BCAR3: variants seen among roughly 807,000 people sequenced by gnomAD.
BCAR3 encodes the protein BCAR3 adaptor protein, NSP family member, also known as breast cancer anti-estrogen resistance protein 3.
Under a neutral mutation model 80.1 loss-of-function variants are expected in BCAR3, and 37 were observed. The observed-to-expected ratio is 0.46, with a 90% CI of 0.36 to 0.61. BCAR3 has a LOEUF of 0.61. BCAR3 is among the 20% of genes least tolerant of loss of function. The pLI, the probability that BCAR3 is intolerant of heterozygous loss-of-function variation, is 0.00. For synonymous variants in BCAR3, 389 were observed against 418.9 expected (o/e 0.93, Z 0.87); for missense variants, 978 against 1,068.2 (o/e 0.92, Z 1.18).
intron 11 of BCAR3, among the ~76,000 whole-genome samples, chr1:93,564,483 G>T (rs1324684430): frequency 2.0e-5 from 3 of 151,822 alleles, no homozygotes; most frequent in Non-Finnish European, 2.9e-5. Flanking sequence ...TCTCCACGTT[G>T]GTCAGGCTGG....
intron 3 of BCAR3, among the ~76,000 whole-genome samples, chr1:93,608,699 A>G (rs1674855489): frequency 6.6e-6 from 1 of 152,222 alleles, no homozygotes; most frequent in African/African-American, 2.4e-5. Context: ...CCTGGGACAC[A>G]GGCTCTGTCA....
intron 2 of BCAR3, among the ~76,000 whole-genome samples, chr1:93,798,085 T>C (rs1021123247): frequency 6.6e-6 from 1 of 152,212 alleles, no homozygotes; most frequent in African/African-American, 2.4e-5. Context: ...TTTCCAGTAA[T>C]AGTGTTTTCC....
intron 2 of BCAR3, among the ~76,000 whole-genome samples, chr1:93,764,982 C>A (rs10158125): frequency 6.6e-6 from 1 of 152,000 alleles, no homozygotes; most frequent in Non-Finnish European, 1.5e-5. Flanking sequence ...CTCGCTCTTA[C>A]GCCAGGCAGC....
chr1:93,726,013 G>A (rs1057030964), intron 2 of BCAR3, among the ~76,000 whole-genome samples: 2 of 151,918 alleles, frequency 1.3e-5, no homozygotes, highest in East Asian at 3.9e-4. Flanking sequence ...ATAATATCTG[G>A]TAGAGAAATT....
At chr1:93,629,598 T>C (rs1292690535) in intron 3 of BCAR3, among the ~76,000 whole-genome samples, 1 of 152,212 alleles carries the variant, frequency 6.6e-6, no homozygotes, top group African/African-American at 2.4e-5. Flanking sequence ...TAAAAGCTCT[T>C]AGAATATTTA....
In BCAR3 at chr1:93,582,371, C is replaced by T. The variant is rs143508660; in HGVS notation, c.1616G>A (p.Arg539His). ...GTTGTTGGTGAACAGTTCTTTTGCA[C>T]GTTTCAACATTGCTGTTTCCAGGGG... ...NKPLETAMLK[R>H]AKELFTNNDP... Residue 539 changes from arginine to histidine, a missense_variant, in exon 7 of 12, where the codon CGT becomes CAT. Physicochemically the swap from Arg to His is conservative, Grantham distance 29. Transcript: ENST00000260502. The T allele has an allele frequency of 8.1e-6, 13 of 1,614,080 alleles. No individual in the cohort carries two copies. Among genetic ancestry groups the T allele is most frequent in the Admixed American group, 3.3e-5 (2 of 60,006 alleles).
At chr1:93,713,920 A>C (rs1329966468) in intron 2 of BCAR3, among the ~76,000 whole-genome samples, 4 of 152,212 alleles carry the variant, frequency 2.6e-5, no homozygotes, top group South Asian at 2.1e-4. Context: ...TTCTGAGTAC[A>C]TGGGAATTCT....
At position 93,722,236 on chromosome 1, in the gene BCAR3, T is replaced by G. The variant is rs373559152; in HGVS notation, c.-62-16094A>C. ...CATAAGCCTCTCCAGAACTCCCGAG[T>G]GAGGGCCTCCTAGAGCTCAGGCCTG... On this transcript the variant is annotated intron_variant, in intron 2 of 13. Transcript: ENST00000370244. Among the ~76,000 whole-genome samples, 4 of 152,268 alleles carry G rather than the reference T, an allele frequency of 2.6e-5. No homozygotes were observed. In the East Asian group the frequency reaches 7.7e-4, roughly 29 times the overall value.
intron 2 of BCAR3, among the ~76,000 whole-genome samples, chr1:93,654,932 G>T (rs1277820579): frequency 3.9e-5 from 6 of 152,124 alleles, no homozygotes; most frequent in Admixed American, 3.9e-4. Context: ...ATGTCTGTTT[G>T]CTCAGGGTCT....
At chr1:93,593,728 A>AAACAACAACAACAACAACAACAAC (rs112457260) in intron 3 of BCAR3, among the ~76,000 whole-genome samples, 1 of 151,180 alleles carries the variant, frequency 6.6e-6, no homozygotes, top group South Asian at 2.1e-4. Context: ...CTTTTCCACC[A>AAACAACAACAACAACAACAACAAC]AACAACAACA....
At chr1:93,648,502 A>G (rs1014701690) in intron 2 of BCAR3, among the ~76,000 whole-genome samples, 1 of 152,214 alleles carries the variant, frequency 6.6e-6, no homozygotes, top group Admixed American at 6.5e-5. Context: ...ACATTAGGAT[A>G]ATTAAGAAAA....
intron 2 of BCAR3, among the ~76,000 whole-genome samples, chr1:93,727,564 C>T (rs1650637086): frequency 6.6e-6 from 1 of 152,144 alleles, no homozygotes; most frequent in Non-Finnish European, 1.5e-5. Context: ...TACCTCTTGC[C>T]CTCCACTCAC....
At chr1:93,688,565 G>GTA (rs893982554) in intron 3 of BCAR3, among the ~76,000 whole-genome samples, 4 of 151,544 alleles carry the variant, frequency 2.6e-5, no homozygotes, top group East Asian at 1.9e-4. Context: ...GTGTGTCTGT[G>GTA]TATATATATA....
intron 2 of BCAR3, among the ~76,000 whole-genome samples, chr1:93,756,106 C>A (rs1651740421): frequency 6.6e-6 from 1 of 152,206 alleles, no homozygotes; most frequent in South Asian, 2.1e-4. Context: ...ATAGCACAGA[C>A]AAAATGCACA....
chr1:93,662,176 A>C (rs1233147032), intron 2 of BCAR3, among the ~76,000 whole-genome samples: 1 of 152,184 alleles, frequency 6.6e-6, no homozygotes, highest in Non-Finnish European at 1.5e-5. Context: ...ACCAGGTATG[A>C]TTTGGGCAGC....
chr1:93,745,705 C>T (rs1351447649), intron 2 of BCAR3, among the ~76,000 whole-genome samples: 1 of 152,180 alleles, frequency 6.6e-6, no homozygotes, highest in Non-Finnish European at 1.5e-5. Flanking sequence ...GCAACCCTAT[C>T]TACTTGTTCA....
At chr1:93,571,485 T>C (rs1487108586) in intron 9 of BCAR3, 185 bp downstream of exon 9, 1 of 656,898 alleles carries the variant, frequency 1.5e-6, no homozygotes, top group East Asian at 3.1e-5. Context: ...CAGAGTGAGA[T>C]TCTGTCTCAA....
At chr1:93,603,519 C>T (rs561261161) in intron 3 of BCAR3, among the ~76,000 whole-genome samples, 69 of 152,358 alleles carry the variant, frequency 4.5e-4, no homozygotes, top group Non-Finnish European at 8.2e-4. Flanking sequence ...GACCTCTGGC[C>T]TCACTGGGCC....
At chr1:93,750,886 T>C (rs182879025) in intron 2 of BCAR3, among the ~76,000 whole-genome samples, 1 of 152,344 alleles carries the variant, frequency 6.6e-6, no homozygotes, top group Admixed American at 6.5e-5. Flanking sequence ...GGAGCAGTGA[T>C]GAGTCCTCTT....
Sources: allele counts gnomAD v4.1 joint callset (sites outside exome capture counted in the v4.1 genomes callset), GRCh38; gene constraint gnomAD v4.1.1; transcripts MANE v1.5; gene names NCBI Gene and HGNC (gene_info 2026-07-23, HGNC 2026-07-21).